Variants in SLC17A8 observed in about 807,000 individuals in gnomAD.
The protein encoded by SLC17A8 is vesicular glutamate transporter 3.
SLC17A8 carries 31 observed loss-of-function variants against 58.0 expected under a neutral mutation model. The ratio of observed to expected loss-of-function variants is 0.53; its 90% CI spans 0.40 to 0.72. SLC17A8 has a LOEUF of 0.72. SLC17A8 is among the 30% of genes least tolerant of loss of function. The pLI is 0.00. For missense variants in SLC17A8, 655 were observed against 727.8 expected (o/e 0.90, Z 1.15); for synonymous variants, 228 against 249.0 (o/e 0.92, Z 0.79).
chr12:100,360,043 G>A (rs557784435), intron 1 of SLC17A8, among the ~76,000 whole-genome samples: 1 of 152,306 alleles, frequency 6.6e-6, no homozygotes, highest in African/African-American at 2.4e-5. Context: ...ACAGTCAGGG[G>A]AGTGGCAATT....
At position 100,421,679 on chromosome 12, in the gene SLC17A8, T is replaced by TTC. The variant is rs1491491165; in HGVS notation, c.*1522_*1523dup. ...AAGTGTTTTTTTTTTTTTTTTTTTT[T>TTC]TCTAATTTCTCCCACATGTATTTCT... On this transcript the variant is annotated 3_prime_UTR_variant, in exon 12 of 12. Coordinates refer to ENST00000323346, the MANE Select transcript of SLC17A8 (RefSeq NM_139319.3). 7.3e-6 allele frequency: 1 copy of TTC among 136,436 alleles called. No homozygotes were observed. The allele number at this position is 136,436 out of a possible 1,614,324, so 8.5% of individuals were successfully genotyped here.
chr12:100,398,109 T>C (rs776831150), intron 5 of SLC17A8, among the ~76,000 whole-genome samples: 3 of 152,206 alleles, frequency 2.0e-5, no homozygotes, highest in African/African-American at 7.2e-5. Flanking sequence ...TATGTTTTAA[T>C]TTTCCTCTTC....
In SLC17A8 at chr12:100,396,313, T is replaced by C. The variant is rs780061011; in HGVS notation, c.589-17T>C. The C allele has an allele frequency of 2.1e-5, 34 of 1,605,030 alleles. No homozygotes were observed. The highest frequency in any genetic ancestry group is 1.3e-4 in the Admixed American group (8 of 59,984). ...CTACAGTCAAATCAACTAATCTATT[T>C]TCAACTCTTCTGCCAGGGTGTGACC... On this transcript the variant is annotated splice_polypyrimidine_tract_variant and intron_variant, in intron 4 of 11. Coordinates refer to ENST00000323346, the MANE Select transcript of SLC17A8 (RefSeq NM_139319.3).
intron 1 of SLC17A8, among the ~76,000 whole-genome samples, chr12:100,371,709 G>A (rs1037104538): frequency 1.3e-4 from 20 of 152,026 alleles, no homozygotes; most frequent in East Asian, 1.9e-4. Flanking sequence ...CAGCACACCC[G>A]GCTAACTTTT....
Position 100,412,870 on chromosome 12 carries a change from C to T in SLC17A8, c.1287C>T (p.Phe429=), listed in dbSNP as rs771231356. 27 of 1,613,040 alleles carry T rather than the reference C, an allele frequency of 1.7e-5. No individual in the cohort carries two copies. The highest frequency in any genetic ancestry group is 1.6e-4 in the Middle Eastern group (1 of 6,084). Residue 429 remains phenylalanine (F), a synonymous_variant, in exon 10 of 12, where the codon TTC becomes TTT. Coordinates refer to ENST00000323346, the MANE Select transcript of SLC17A8 (RefSeq NM_139319.3). ...FLVLAVGFSG[F]AISGFNVNHL... is the part of the protein sequence containing the mutation. ...TACTTGCTGTAGGATTTAGTGGCTT[C>T]GCTATTTCAGGTAATGTGTCCTTTG...
intron 5 of SLC17A8, among the ~76,000 whole-genome samples, chr12:100,399,554 A>C (rs1444685797): frequency 6.6e-6 from 1 of 152,094 alleles, no homozygotes; most frequent in Admixed American, 6.6e-5. Flanking sequence ...AGGAGGCAAA[A>C]GGGGAGGCAA....
At chr12:100,375,567 G>A (rs1047162722) in intron 1 of SLC17A8, among the ~76,000 whole-genome samples, 10 of 152,180 alleles carry the variant, frequency 6.6e-5, no homozygotes, top group African/African-American at 2.4e-4. Flanking sequence ...CTGTCCCCAC[G>A]CCAAATGGGT....
At chr12:100,368,871 T>C (rs1207954204) in intron 1 of SLC17A8, among the ~76,000 whole-genome samples, 1 of 152,180 alleles carries the variant, frequency 6.6e-6, no homozygotes, top group Non-Finnish European at 1.5e-5. Context: ...TATTAACACA[T>C]AGAAATAGGC....
intron 1 of SLC17A8, among the ~76,000 whole-genome samples, chr12:100,374,473 G>A (rs1170116226): frequency 3.9e-5 from 6 of 152,138 alleles, no homozygotes; most frequent in South Asian, 4.1e-4. Flanking sequence ...TTAGCCGGGC[G>A]TGGTGGCCTA....
At chr12:100,388,682 T>G (rs1486754687) in intron 2 of SLC17A8, among the ~76,000 whole-genome samples, 1 of 152,240 alleles carries the variant, frequency 6.6e-6, no homozygotes, top group African/African-American at 2.4e-5. Flanking sequence ...GATGGGCGGA[T>G]AAATATGTAA....
chr12:100,418,265 C>T (rs1205170444), intron 11 of SLC17A8, 109 bp downstream of exon 11: 1 of 1,386,692 alleles, frequency 7.2e-7, no homozygotes, highest in South Asian at 1.2e-5. Context: ...ATGTCCTTGA[C>T]CTTGACTGAG....
intron 2 of SLC17A8, among the ~76,000 whole-genome samples, chr12:100,390,315 G>T (rs755343497): frequency 2.0e-5 from 3 of 151,132 alleles, no homozygotes; most frequent in African/African-American, 7.3e-5. Context: ...ATTACAAGGT[G>T]AAATCTATGA....
At chr12:100,387,929 C>CA (rs1351893302) in intron 2 of SLC17A8, among the ~76,000 whole-genome samples, 2 of 152,148 alleles carry the variant, frequency 1.3e-5, no homozygotes, top group Non-Finnish European at 2.9e-5. Context: ...TCAAATTTTC[C>CA]AATGGTTTTC....
At chr12:100,389,731 C>T (rs1432288566) in intron 2 of SLC17A8, among the ~76,000 whole-genome samples, 1 of 151,246 alleles carries the variant, frequency 6.6e-6, no homozygotes, top group African/African-American at 2.4e-5. Context: ...CTCCTGGGTT[C>T]CAGGGATCCT....
At chr12:100,410,408 G>A (rs1245280632) in intron 9 of SLC17A8, among the ~76,000 whole-genome samples, 2 of 151,646 alleles carry the variant, frequency 1.3e-5, no homozygotes, top group Non-Finnish European at 2.9e-5. Flanking sequence ...GGCAGGAGAA[G>A]GGCACGAACC....
At chr12:100,399,201 T>C (rs943402) in intron 5 of SLC17A8, among the ~76,000 whole-genome samples, 34,720 of 152,010 alleles carry the variant, frequency 0.23, 4,768 homozygotes, top group East Asian at 0.67. Context: ...CTTCCTTCTT[T>C]GCATACCATT....
In SLC17A8 at chr12:100,393,351, A is replaced by G; in HGVS notation, c.474-18A>G. On this transcript the variant is annotated intron_variant, in intron 3 of 11. Coordinates refer to ENST00000323346, the MANE Select transcript of SLC17A8 (RefSeq NM_139319.3). Reference sequence around the variant, plus strand: ...CATCAGCAGACCTGCCGAATAACACAATGCTTTGGTCCCCCAGGGTCTTTG... The same window carrying G: ...CATCAGCAGACCTGCCGAATAACACGATGCTTTGGTCCCCCAGGGTCTTTG... 6.3e-7 allele frequency: 1 copy of G among 1,579,976 alleles called. No individual in the cohort carries two copies. The highest frequency in any genetic ancestry group is 8.7e-7 in the Non-Finnish European group (1 of 1,149,230).
chr12:100,419,165 A>G (rs542344951), intron 11 of SLC17A8, among the ~76,000 whole-genome samples: 4 of 152,246 alleles, frequency 2.6e-5, no homozygotes, highest in Non-Finnish European at 5.9e-5. Context: ...AAACAATTTT[A>G]ATTTAGCTGA....
chr12:100,387,821 G>A (rs1473708192), intron 2 of SLC17A8, among the ~76,000 whole-genome samples: 1 of 152,182 alleles, frequency 6.6e-6, no homozygotes, highest in East Asian at 1.9e-4. Flanking sequence ...ATCTCTCTAA[G>A]CCTTAGTTTC....
Sources: gnomAD v4.1 joint callset for allele counts (sites outside exome capture counted in the v4.1 genomes callset) on GRCh38, gnomAD v4.1.1 for gene constraint, MANE v1.5 for transcripts, NCBI Gene and HGNC (gene_info 2026-07-23, HGNC 2026-07-21) for gene names.